The following PNKD variants were observed in gnomAD, a reference collection of about 807,000 sequenced individuals.
The protein encoded by PNKD is probable thioesterase PNKD.
Under a neutral mutation model 45.3 loss-of-function variants are expected in PNKD, and 36 were observed. That is an observed-to-expected ratio of 0.80 (90% confidence interval 0.61 to 1.05). The LOEUF (loss-of-function observed/expected upper bound fraction) is 1.05, where lower values mean the gene tolerates loss of function less well. Ranked by LOEUF, PNKD falls within the 50% of genes least tolerant of loss-of-function variation. The pLI, the probability that PNKD is intolerant of heterozygous loss-of-function variation, is 0.00. For synonymous variants in PNKD, 197 were observed against 210.1 expected (o/e 0.94, Z 0.54); for missense variants, 511 against 506.6 (o/e 1.01, Z -0.08).
intron 2 of PNKD, among the ~76,000 whole-genome samples, chr2:218,313,274 C>G (rs1693670709): frequency 6.6e-6 from 1 of 152,056 alleles, no homozygotes; most frequent in Admixed American, 6.6e-5. Context: ...TCATGCCCGG[C>G]TAATTTTTGT....
At chr2:218,315,057 T>C (rs13004627) in intron 2 of PNKD, among the ~76,000 whole-genome samples, 2,330 of 55,818 alleles carry the variant, frequency 0.042, 357 homozygotes, top group Middle Eastern at 0.059. Flanking sequence ...TTTCTTTCTT[T>C]CTTCCTTCCT....
Position 218,313,256 on chromosome 2 carries a change from G to A in PNKD, c.237-26527G>A, listed in dbSNP as rs147328715. ...CTCCTGAGTAGCTGGGACTACAGGT[G>A]TACACCATCATGCCCGGCTAATTTT... On this transcript the variant is annotated intron_variant, in intron 2 of 9. Coordinates refer to ENST00000273077, the MANE Select transcript of PNKD (RefSeq NM_015488.5). 2.6e-5 allele frequency among the ~76,000 whole-genome samples: 4 copies of A among 152,148 alleles called. No homozygotes were observed. The East Asian group carries it at 7.7e-4, about 29-fold the overall frequency.
intron 2 of PNKD, among the ~76,000 whole-genome samples, chr2:218,294,688 C>G (rs536705284): frequency 1.3e-5 from 2 of 152,156 alleles, no homozygotes; most frequent in Non-Finnish European, 2.9e-5. Flanking sequence ...ATGTTGCCCA[C>G]GCTGGTCTTG....
At chr2:218,280,767 C>G (rs911128073) in intron 2 of PNKD, 6 of 152,130 alleles carry the variant, frequency 3.9e-5, no homozygotes, top group Non-Finnish European at 8.8e-5. Context: ...CTTGAGCCAC[C>G]CAGGAAGACT....
At chr2:218,312,183 T>G (rs1020430730) in intron 2 of PNKD, among the ~76,000 whole-genome samples, 1 of 152,200 alleles carries the variant, frequency 6.6e-6, no homozygotes, top group Non-Finnish European at 1.5e-5. Context: ...TGTCTTCCTT[T>G]TCTACATAGA....
chr2:218,301,119 TAGAC>T (rs750453132), intron 2 of PNKD, among the ~76,000 whole-genome samples: 26 of 152,214 alleles, frequency 1.7e-4, no homozygotes, highest in South Asian at 1.2e-3. Context: ...GGCTACTCCA[TAGAC>T]AGAGCAGCCA....
intron 2 of PNKD, among the ~76,000 whole-genome samples, chr2:218,330,813 C>A (rs1694295699): frequency 6.6e-6 from 1 of 152,244 alleles, no homozygotes; most frequent in African/African-American, 2.4e-5. Flanking sequence ...CAAGGCCCAT[C>A]TTAGAGAAGC....
At position 218,344,545 on chromosome 2, in the gene PNKD, G is replaced by A. The variant is rs200815994; in HGVS notation, c.959G>A (p.Arg320Gln). 8.1e-5 allele frequency: 129 copies of A among 1,587,978 alleles called. 1 individual carries two copies. The East Asian group carries it at 2.2e-3, about 27-fold the overall frequency. The change falls in exon 9 of 10, where the codon CGG becomes CAG. Residue 320 changes from arginine (R) to glutamine (Q), a missense_variant. Coordinates refer to ENST00000273077, the MANE Select transcript of PNKD (RefSeq NM_015488.5). ...ARERKMQWVQ[R>Q]QRLERKGTCP... ...GAGAGGAAGATGCAGTGGGTGCAGCGGCAGCGGCTGGAGCGCAAGGGCACG... is the reference window on the plus strand; with the variant it reads ...GAGAGGAAGATGCAGTGGGTGCAGCAGCAGCGGCTGGAGCGCAAGGGCACG...
chr2:218,282,890 A>G (rs1692169212), intron 2 of PNKD, among the ~76,000 whole-genome samples: 1 of 152,182 alleles, frequency 6.6e-6, no homozygotes, highest in African/African-American at 2.4e-5. Flanking sequence ...GGTTCCTTCA[A>G]ATAACAGCGG....
chr2:218,339,343 A>G (rs1248416635), intron 2 of PNKD, among the ~76,000 whole-genome samples: 1 of 151,796 alleles, frequency 6.6e-6, no homozygotes, highest in African/African-American at 2.4e-5. Flanking sequence ...CTCCTGCCTC[A>G]GCCTCCTGAG....
chr2:218,304,119 G>T (rs1423219038), intron 2 of PNKD, among the ~76,000 whole-genome samples: 1 of 152,080 alleles, frequency 6.6e-6, no homozygotes, highest in Non-Finnish European at 1.5e-5. Context: ...AGTGGTCACA[G>T]CCCCTATCAG....
At chr2:218,295,689 A>AT (rs1693124761) in intron 2 of PNKD, among the ~76,000 whole-genome samples, 1 of 151,852 alleles carries the variant, frequency 6.6e-6, no homozygotes, top group Non-Finnish European at 1.5e-5. Context: ...AGAAATTGAG[A>AT]TTTTACCCTG....
intron 2 of PNKD, among the ~76,000 whole-genome samples, chr2:218,331,062 G>T (rs1175808951): frequency 2.0e-5 from 3 of 152,196 alleles, no homozygotes; most frequent in African/African-American, 7.2e-5. Flanking sequence ...AGAAACCAGG[G>T]GCCATAACAT....
chr2:218,275,684 TCAG>T lies in PNKD; in HGVS notation c.236+4139_236+4141del. The T allele has an allele frequency of 5.1e-6, 8 of 1,565,442 alleles. No homozygotes were observed. The Admixed American group carries it at 1.5e-4, about 30-fold the overall frequency. On this transcript the variant is annotated intron_variant, in intron 2 of 9. Coordinates refer to ENST00000273077, the MANE Select transcript of PNKD (RefSeq NM_015488.5). ...ATCAGTGTCCAGAGCTCATTTTTGG[TCAG>T]CAGATTTGTCTTGGGGGCCTATGCG...
chr2:218,271,960 G>A (rs972960058), intron 2 of PNKD, among the ~76,000 whole-genome samples: 2 of 152,204 alleles, frequency 1.3e-5, no homozygotes, highest in Non-Finnish European at 2.9e-5. Flanking sequence ...CAATATTAAA[G>A]AGAAAGGAGG....
intron 2 of PNKD, chr2:218,274,456 G>C (rs532197281): frequency 6.5e-6 from 1 of 154,190 alleles, no homozygotes; most frequent in Admixed American, 6.5e-5. Flanking sequence ...CAAACAGAGA[G>C]AAGTCACCTT....
chr2:218,305,965 G>A (rs1693393199), intron 2 of PNKD, among the ~76,000 whole-genome samples: 1 of 152,194 alleles, frequency 6.6e-6, no homozygotes, highest in Admixed American at 6.5e-5. Flanking sequence ...CCTAGATTGA[G>A]AATTGGACCT....
At chr2:218,343,363 G>A in intron 7 of PNKD, 137 bp from the exon 8 acceptor site, 1 of 743,268 alleles carries the variant, frequency 1.3e-6, no homozygotes, top group South Asian at 1.5e-5. Flanking sequence ...AGATGCCTGG[G>A]GTGGGTCTGG....
chr2:218,323,319 C>T (rs778084321), intron 2 of PNKD: 104 of 1,566,382 alleles, frequency 6.6e-5, no homozygotes, highest in Non-Finnish European at 8.6e-5. Context: ...CGGCTGCTGG[C>T]TCCTCCTCGT....
Sources: allele counts gnomAD v4.1 joint callset (sites outside exome capture counted in the v4.1 genomes callset), GRCh38; gene constraint gnomAD v4.1.1; transcripts MANE v1.5; gene names NCBI Gene and HGNC (gene_info 2026-07-23, HGNC 2026-07-21).